The following RILPL1 variants were observed in gnomAD, a reference collection of about 807,000 sequenced individuals.
RILPL1 encodes the protein Rab interacting lysosomal protein like 1, also known as RILP-like protein 1.
Under a neutral mutation model 50.3 loss-of-function variants are expected in RILPL1, and 33 were observed. That is an observed-to-expected ratio of 0.66 (90% CI 0.50 to 0.88). The LOEUF is 0.88. Ranked by LOEUF, RILPL1 falls within the 40% of genes least tolerant of loss-of-function variation. The pLI, the probability that RILPL1 is intolerant of heterozygous loss-of-function variation, is 0.00. For synonymous variants in RILPL1, 205 were observed against 228.6 expected, an observed-to-expected ratio of 0.90 and a Z score of 0.93; for missense variants, 418 against 542.5, an observed-to-expected ratio of 0.77 and a Z score of 2.28.
chr12:123,471,077 T>TC lies in RILPL1; in HGVS notation c.*1460_*1461insG, dbSNP rs1231579721. On this transcript the variant is annotated 3_prime_UTR_variant, in exon 7 of 7. Transcript: ENST00000376874. ...ACCTGATGGTTTCTTTCTTTCTTTT[T>TC]TTTTTTTTTTTTAGATGAAGTCTCA... is the stretch of plus-strand genomic sequence containing the variant. 2.0e-5 allele frequency: 3 copies of TC among 151,366 alleles called. No homozygotes were observed. Among genetic ancestry groups the TC allele is most frequent in the African/African-American group, 4.8e-5 (2 of 41,312 alleles). 9.4% of individuals were successfully genotyped at this position (151,366 alleles called of 1,614,324 possible). A position where few individuals can be genotyped will look rare whatever the true frequency, so the allele number is the denominator to read the frequency against.
At chr12:123,506,754 C>G (rs779071459) in intron 2 of RILPL1, among the ~76,000 whole-genome samples, 41 of 152,202 alleles carry the variant, frequency 2.7e-4, no homozygotes, top group Non-Finnish European at 4.9e-4. Flanking sequence ...CTCCACCTTT[C>G]TGATGATGCT....
chr12:123,533,386 G>T lies in RILPL1; in HGVS notation c.97C>A (p.Leu33Ile). The T allele has an allele frequency of 6.4e-7, 1 of 1,561,560 alleles. No individual in the cohort carries two copies. The change falls in exon 1 of 7, where the codon CTT becomes ATT. Residue 33 changes from leucine to isoleucine, a missense_variant. Physicochemically the swap from Leu to Ile is conservative, Grantham distance 5. Coordinates refer to ENST00000376874, the MANE Select transcript of RILPL1 (RefSeq NM_178314.5). The surrounding 1 kb of genome is among the most constrained non-coding windows in gnomAD (Gnocchi z 6.2). ...ACCCGCTCGAACTCGTGGCCCACAA[G>T]CGACGCGATGTCGTACACGTCCATG... ...TVMDVYDIASLVGHEFERVID... is the reference protein window; with the variant it reads ...TVMDVYDIASIVGHEFERVID...
chr12:123,523,484 C>T lies in RILPL1; in HGVS notation c.460+11G>A. ...GCCGGCCCCCTTGCATTGGCGCCGA[C>T]CCCCACTTACCTTCATGCTTCTGGA... is the stretch of plus-strand genomic sequence containing the variant. On this transcript the variant is annotated intron_variant, in intron 2 of 6. Transcript: ENST00000376874. The T allele has an allele frequency of 1.2e-6, 2 of 1,613,744 alleles. No homozygotes were observed. The highest frequency in any genetic ancestry group is 1.7e-6 in the Non-Finnish European group (2 of 1,179,714).
chr12:123,492,677 G>A (rs1882773533), intron 4 of RILPL1, among the ~76,000 whole-genome samples: 1 of 152,192 alleles, frequency 6.6e-6, no homozygotes, highest in African/African-American at 2.4e-5. Context: ...TTGTTACTGT[G>A]TCTGTGTAGA....
chr12:123,472,935 G>C (rs916989258), intron 6 of RILPL1: 6 of 440,400 alleles, frequency 1.4e-5, no homozygotes, highest in Non-Finnish European at 2.5e-5. Flanking sequence ...TGATGTGTGA[G>C]GTGTCTTCCA....
chr12:123,484,062 C>T (rs1882166456), intron 6 of RILPL1, 118 bp downstream of exon 6: 1 of 653,960 alleles, frequency 1.5e-6, no homozygotes, highest in Non-Finnish European at 2.7e-6. Context: ...CCAGACGTCT[C>T]AGCAGGATGT....
At chr12:123,488,738 C>T (rs754445796) in intron 4 of RILPL1, among the ~76,000 whole-genome samples, 2 of 152,154 alleles carry the variant, frequency 1.3e-5, no homozygotes, top group East Asian at 3.8e-4. Flanking sequence ...GGAGTCAGCA[C>T]GGGGCAGCAG....
chr12:123,533,527 T>A lies in RILPL1; in HGVS notation c.-45A>T. 7.0e-7 allele frequency: 1 copy of A among 1,425,498 alleles called. No individual in the cohort carries two copies. The highest frequency in any genetic ancestry group is 1.4e-5 in the South Asian group (1 of 70,456). The allele number at this position is 1,425,498 out of a possible 1,614,324, so 88.3% of individuals were successfully genotyped here. On this transcript the variant is annotated 5_prime_UTR_variant, in exon 1 of 7. Transcript: ENST00000376874. The surrounding 1 kb of genome is among the most constrained non-coding windows in gnomAD (Gnocchi z 6.2). ...CCCCCGCCCCGCAAACTCGTGCAAC[T>A]CCCAAACTTGCCGCTGTCGAGGGCC...
rs1335075537 is a variant in RILPL1, at chr12:123,522,292, G to A, written c.460+1203C>T. The stretch of plus-strand genomic sequence containing the variant: ...TGCAGGGCTGAGCAGAGCAGATGCC[G>A]CCCACAGCCCCGCCTGGCCCGAATC... On this transcript the variant is annotated intron_variant, in intron 2 of 6. Coordinates refer to ENST00000376874, the MANE Select transcript of RILPL1 (RefSeq NM_178314.5). This position sits in a 1 kb window ranked among gnomAD's most constrained non-coding sequence, Gnocchi z 4.0. Among the ~76,000 whole-genome samples the A allele has an allele frequency of 1.3e-5, 2 of 152,204 alleles. No homozygotes were observed. Among genetic ancestry groups the A allele is most frequent in the African/African-American group, 4.8e-5 (2 of 41,464 alleles).
chr12:123,494,326 A>T (rs1171049900), intron 4 of RILPL1, among the ~76,000 whole-genome samples: 3 of 152,208 alleles, frequency 2.0e-5, no homozygotes, highest in African/African-American at 7.2e-5. Context: ...CAAGGGATAG[A>T]TGCGAACCCA....
At position 123,485,306 on chromosome 12, in the gene RILPL1, TTTCA is replaced by T; in HGVS notation, c.974+323_974+326del. ...ATAGACCATTAACACCGGGGCCGGGTTTCATTCATTCATTCATTTAAAAAAAGAG... is the reference window on the plus strand; with the variant it reads ...ATAGACCATTAACACCGGGGCCGGGTTTCATTCATTCATTTAAAAAAAGAG... On this transcript the variant is annotated intron_variant, in intron 5 of 6. Transcript: ENST00000376874. The surrounding 1 kb of genome is among the most constrained non-coding windows in gnomAD (Gnocchi z 4.0). 1.3e-5 allele frequency: 6 copies of T among 462,774 alleles called. No individual in the cohort carries two copies. Among genetic ancestry groups the T allele is most frequent in the Admixed American group, 2.6e-5 (1 of 39,208 alleles). 28.7% of individuals were successfully genotyped at this position (462,774 alleles called of 1,614,324 possible).
intron 1 of RILPL1, among the ~76,000 whole-genome samples, chr12:123,524,274 A>G (rs934453452): frequency 2.6e-5 from 4 of 152,232 alleles, no homozygotes; most frequent in African/African-American, 4.8e-5. Context: ...CAGTCAAAGA[A>G]ATAGCCAATA....
chr12:123,502,038 C>T (rs1390648257), intron 2 of RILPL1, among the ~76,000 whole-genome samples: 1 of 149,690 alleles, frequency 6.7e-6, no homozygotes, highest in Admixed American at 6.7e-5. Context: ...TGAGATCATA[C>T]CCCTGTACTC....
At chr12:123,519,658 TC>T (rs1884918693) in intron 2 of RILPL1, 1 of 152,242 alleles carries the variant, frequency 6.6e-6, no homozygotes, top group African/African-American at 2.4e-5. Context: ...CTGTCCCAGG[TC>T]TGTTCCCCTA....
In RILPL1 at chr12:123,491,601, C is replaced by T. The variant is rs191886322; in HGVS notation, c.802-5796G>A. Among the ~76,000 whole-genome samples, 74 of 152,360 alleles carry T rather than the reference C, an allele frequency of 4.9e-4. No individual in the cohort carries two copies. The highest frequency in any genetic ancestry group is 1.8e-3 in the African/African-American group (73 of 41,590). ...TCTGGTCACACTTGGCACCACCAGG[C>T]CTAGCATAAATTCAATGCATAAATT... On this transcript the variant is annotated intron_variant, in intron 4 of 6. Transcript: ENST00000376874. This position sits in a 1 kb window ranked among gnomAD's most constrained non-coding sequence, Gnocchi z 4.0.
At chr12:123,482,025 C>T (rs1369699981) in intron 6 of RILPL1, among the ~76,000 whole-genome samples, 1 of 151,992 alleles carries the variant, frequency 6.6e-6, no homozygotes, top group Non-Finnish European at 1.5e-5. Flanking sequence ...GGCATGTGAC[C>T]ACCACGCCCA....
At chr12:123,495,245 G>A (rs1005749587) in intron 4 of RILPL1, among the ~76,000 whole-genome samples, 1 of 151,976 alleles carries the variant, frequency 6.6e-6, no homozygotes, top group African/African-American at 2.4e-5. Context: ...ACAGAGGAAA[G>A]CAGGGCCTGA....
rs575516233 is a variant in RILPL1 at position 123,498,400 on chromosome 12, T to A, written c.801+144A>T. 85 of 681,030 alleles carry A rather than the reference T, an allele frequency of 1.2e-4. No homozygotes were observed. The African/African-American group carries it at 1.5e-3, about 12-fold the overall frequency. The allele number at this position is 681,030 out of a possible 1,614,324, so 42.2% of individuals were successfully genotyped here. On this transcript the variant is annotated intron_variant, in intron 4 of 6. Coordinates refer to ENST00000376874, the MANE Select transcript of RILPL1 (RefSeq NM_178314.5). This position sits in a 1 kb window ranked among gnomAD's most constrained non-coding sequence, Gnocchi z 4.3. Reference sequence around the variant, plus strand: ...ACGCGTGGCTAATTAAAAAAAATGTTTGTAGAGAATTGGGGTCTTGCTATG... The same window carrying A: ...ACGCGTGGCTAATTAAAAAAAATGTATGTAGAGAATTGGGGTCTTGCTATG...
At position 123,471,747 on chromosome 12, in the gene RILPL1, G is replaced by A. The variant is rs892339031; in HGVS notation, c.*791C>T. On this transcript the variant is annotated 3_prime_UTR_variant, in exon 7 of 7. Coordinates refer to ENST00000376874, the MANE Select transcript of RILPL1 (RefSeq NM_178314.5). ...TGTCTTCTTCTTTGCAGGGGACTAA[G>A]TATATGACTTAATGAATCCTAAAAG... 6.6e-6 allele frequency: 1 copy of A among 152,464 alleles called. No individual in the cohort carries two copies. Among genetic ancestry groups the A allele is most frequent in the Non-Finnish European group, 1.5e-5 (1 of 68,046 alleles). 9.4% of individuals were successfully genotyped at this position (152,464 alleles called of 1,614,324 possible).
Sources: allele counts gnomAD v4.1 joint callset (sites outside exome capture counted in the v4.1 genomes callset), GRCh38; gene constraint gnomAD v4.1.1; non-coding constraint Gnocchi (gnomAD v3.1); transcripts MANE v1.5; gene names NCBI Gene and HGNC (gene_info 2026-07-23, HGNC 2026-07-21).